The following KCNMA1 variants were observed in gnomAD, a reference collection of about 807,000 sequenced individuals.
KCNMA1 encodes Calcium-activated potassium channel subunit alpha-1.
Under a neutral mutation model 140.0 loss-of-function variants are expected in KCNMA1, and 29 were observed. The observed-to-expected ratio is 0.21, with a 90% CI of 0.15 to 0.28. The LOEUF (loss-of-function observed/expected upper bound fraction) is 0.28. KCNMA1 is among the 10% of genes least tolerant of loss of function. The pLI is 1.00. For synonymous variants in KCNMA1, 612 were observed against 611.9 expected (o/e 1.00, Z 0.00); for missense variants, 880 against 1,602.2 (o/e 0.55, Z 7.70).
downstream of KCNMA1, among the ~76,000 whole-genome samples, chr10:76,882,967 A>T (rs2035262913): frequency 2.0e-5 from 3 of 152,162 alleles, no homozygotes; most frequent in Non-Finnish European, 4.4e-5. Context: ...TTTCTCCTTC[A>T]AGGAGCCTGT....
chr10:77,146,674 C>A, intron 5 of KCNMA1, among the ~76,000 whole-genome samples: 1 of 120,566 alleles, frequency 8.3e-6, no homozygotes, highest in African/African-American at 3.2e-5. Context: ...TACACTCCAG[C>A]CTGGGTGACA....
intron 25 of KCNMA1, among the ~76,000 whole-genome samples, chr10:76,906,407 G>GATTT (rs1445348948): frequency 6.6e-6 from 1 of 152,194 alleles, no homozygotes; most frequent in Non-Finnish European, 1.5e-5. Flanking sequence ...TTCTGCTGTT[G>GATTT]ATTTGTGAGA....
intron 5 of KCNMA1, among the ~76,000 whole-genome samples, chr10:77,142,463 A>G (rs558219146): frequency 1.5e-4 from 23 of 152,330 alleles, no homozygotes; most frequent in African/African-American, 5.5e-4. Flanking sequence ...TGTGTATGTT[A>G]CATAAATGTG....
chr10:77,153,881 T>C (rs766984940), intron 5 of KCNMA1, among the ~76,000 whole-genome samples: 1 of 151,884 alleles, frequency 6.6e-6, no homozygotes, highest in Non-Finnish European at 1.5e-5. Flanking sequence ...TGGACAGGAG[T>C]CTCCGGGCCC....
chr10:77,594,505 C>T (rs1331915376), intron 1 of KCNMA1, among the ~76,000 whole-genome samples: 1 of 152,156 alleles, frequency 6.6e-6, no homozygotes, highest in Non-Finnish European at 1.5e-5. Context: ...TACCTAAGTG[C>T]CTACCCTTGC....
intron 1 of KCNMA1, among the ~76,000 whole-genome samples, chr10:77,626,802 C>T (rs2092587227): frequency 6.6e-6 from 1 of 152,198 alleles, no homozygotes; most frequent in Non-Finnish European, 1.5e-5. Flanking sequence ...CAAACGTGAA[C>T]TCATTCTACC....
At chr10:77,169,700 T>TATCTGCTGTGCTCCCA (rs149421076) in intron 5 of KCNMA1, among the ~76,000 whole-genome samples, 10,690 of 152,030 alleles carry the variant, frequency 0.07, 1,833 homozygotes, top group East Asian at 0.68. Flanking sequence ...AAAAAGGAAG[T>TATCTGCTGTGCTCCCA]ATCTGCTGTG....
chr10:77,026,600 G>A (rs549587236), intron 16 of KCNMA1, among the ~76,000 whole-genome samples: 2 of 152,288 alleles, frequency 1.3e-5, no homozygotes, highest in Non-Finnish European at 2.9e-5. Context: ...CTACATATTT[G>A]TTAACTGCTA....
At chr10:77,188,157 T>A (rs2098895503) in intron 3 of KCNMA1, among the ~76,000 whole-genome samples, 1 of 151,748 alleles carries the variant, frequency 6.6e-6, no homozygotes, top group Non-Finnish European at 1.5e-5. Context: ...AGCAAAGAAA[T>A]TGTGCTTTAA....
intron 19 of KCNMA1, chr10:76,970,525 C>A: frequency 4.3e-6 from 1 of 233,290 alleles, no homozygotes; most frequent in Non-Finnish European, 8.5e-6. Context: ...GATGAACCAA[C>A]TTAGCTGGTT....
chr10:77,126,681 C>A (rs908102362), intron 5 of KCNMA1, among the ~76,000 whole-genome samples: 1 of 151,768 alleles, frequency 6.6e-6, no homozygotes, highest in Admixed American at 6.6e-5. Context: ...GCTGCCTCAC[C>A]TGGGGCTACA....
At chr10:77,594,669 GC>G (rs1179040808) in intron 1 of KCNMA1, among the ~76,000 whole-genome samples, 3 of 152,148 alleles carry the variant, frequency 2.0e-5, no homozygotes, top group African/African-American at 7.2e-5. Context: ...GTCCCACAGG[GC>G]ACTAAGAGAC....
chr10:77,537,767 G>A (rs1285753248), intron 1 of KCNMA1, among the ~76,000 whole-genome samples: 1 of 148,006 alleles, frequency 6.8e-6, no homozygotes, highest in African/African-American at 2.5e-5. Flanking sequence ...CGGTGGCACC[G>A]CTGGCCCCAT....
chr10:77,053,823 G>T (rs1239710258), intron 14 of KCNMA1, among the ~76,000 whole-genome samples: 3 of 152,178 alleles, frequency 2.0e-5, no homozygotes, highest in African/African-American at 7.2e-5. Flanking sequence ...TGAGGGGTAG[G>T]TGCTTTCATA....
chr10:76,999,675 T>A (rs1287755588), intron 19 of KCNMA1, among the ~76,000 whole-genome samples: 1 of 152,234 alleles, frequency 6.6e-6, no homozygotes, highest in East Asian at 1.9e-4. Flanking sequence ...AGGATTCATA[T>A]GGTAGCATCT....
chr10:77,000,375 T>C (rs1401346133), intron 19 of KCNMA1, among the ~76,000 whole-genome samples: 1 of 152,160 alleles, frequency 6.6e-6, no homozygotes, highest in East Asian at 1.9e-4. Context: ...TCCCAGGGTC[T>C]CAAACTGGAG....
chr10:77,130,005 A>G (rs2097824301), intron 5 of KCNMA1, among the ~76,000 whole-genome samples: 2 of 152,314 alleles, frequency 1.3e-5, no homozygotes, highest in Admixed American at 1.3e-4. Context: ...ATTATTGCAC[A>G]TACATTTTAT....
At chr10:77,015,925 C>A (rs1417436725) in intron 17 of KCNMA1, among the ~76,000 whole-genome samples, 1 of 152,328 alleles carries the variant, frequency 6.6e-6, no homozygotes, top group Middle Eastern at 3.4e-3. Flanking sequence ...TCTCTCACCT[C>A]TTCTCCTGCC....
intron 1 of KCNMA1, among the ~76,000 whole-genome samples, chr10:77,485,466 T>C (rs1413069881): frequency 6.6e-6 from 1 of 152,174 alleles, no homozygotes; most frequent in Non-Finnish European, 1.5e-5. Context: ...GTTGCTGTGC[T>C]CTGTGGTTCG....
Sources: gnomAD v4.1 joint callset for allele counts (sites outside exome capture counted in the v4.1 genomes callset) on GRCh38, gnomAD v4.1.1 for gene constraint, MANE v1.5 for transcripts, NCBI Gene and HGNC (gene_info 2026-07-23, HGNC 2026-07-21) for gene names.